The following SEPSECS variants were observed in gnomAD, a reference collection of about 807,000 sequenced individuals.
SEPSECS encodes O-phosphoseryl-tRNA(Sec) selenium transferase.
Under a neutral mutation model 52.1 loss-of-function variants are expected in SEPSECS, and 42 were observed. The observed-to-expected ratio is 0.81, with a 90% confidence interval of 0.63 to 1.04. SEPSECS has a LOEUF of 1.04. Ranked by LOEUF, SEPSECS falls within the 50% of genes least tolerant of loss-of-function variation. The probability of loss-of-function intolerance (pLI) is 0.00; values close to 1 mark genes in which losing one functional copy is unlikely to be tolerated. For synonymous variants in SEPSECS, 216 were observed against 211.4 expected, an observed-to-expected ratio of 1.02 and a Z score of -0.19; for missense variants, 590 against 610.6, an observed-to-expected ratio of 0.97 and a Z score of 0.36.
At position 25,142,190 on chromosome 4, in the gene SEPSECS, T is replaced by A. The variant is rs553664645; in HGVS notation, c.1026+2584A>T. On this transcript the variant is annotated intron_variant, in intron 8 of 10. Transcript: ENST00000382103. ...TACTCAGGAGGCTGAGGCAGGAGAATAACTTGAGCCCGGGAGGCAGAGGTT... is the reference window on the plus strand; with the variant it reads ...TACTCAGGAGGCTGAGGCAGGAGAAAAACTTGAGCCCGGGAGGCAGAGGTT... 3.3e-5 allele frequency among the ~76,000 whole-genome samples: 5 copies of A among 152,056 alleles called. No individual in the cohort carries two copies. The South Asian group carries it at 1.0e-3, about 32-fold the overall frequency.
intron 2 of SEPSECS, among the ~76,000 whole-genome samples, chr4:25,157,206 C>A (rs1416380073): frequency 6.6e-6 from 1 of 152,182 alleles, no homozygotes; most frequent in Non-Finnish European, 1.5e-5. Flanking sequence ...AATTCTTTTT[C>A]TCCCTATGCC....
chr4:25,131,074 GAAT>G (rs1339928486), intron 8 of SEPSECS, among the ~76,000 whole-genome samples: 2 of 152,158 alleles, frequency 1.3e-5, no homozygotes, highest in Non-Finnish European at 2.9e-5. Context: ...TATATTTCTA[GAAT>G]AAAAATACAA....
chr4:25,131,010 A>C (rs1728584643), intron 8 of SEPSECS, among the ~76,000 whole-genome samples: 1 of 152,230 alleles, frequency 6.6e-6, no homozygotes, highest in South Asian at 2.1e-4. Context: ...CTTAATTTTA[A>C]GAGACTTTTC....
At chr4:25,157,041 T>C (rs1712708456) in intron 2 of SEPSECS, 67 bp from the exon 3 acceptor site, 2 of 885,028 alleles carry the variant, frequency 2.3e-6, no homozygotes, top group Non-Finnish European at 3.9e-6. Flanking sequence ...AATGTACAAA[T>C]ATGCAAATGT....
At chr4:25,150,695 C>T (rs1712245253) in intron 6 of SEPSECS, among the ~76,000 whole-genome samples, 1 of 151,922 alleles carries the variant, frequency 6.6e-6, no homozygotes, top group South Asian at 2.1e-4. Context: ...GGTAAAAAAG[C>T]AAAAAGAAGG....
intron 8 of SEPSECS, among the ~76,000 whole-genome samples, chr4:25,144,168 G>A (rs549875619): frequency 1.4e-4 from 21 of 151,620 alleles, no homozygotes; most frequent in Admixed American, 3.9e-4. Context: ...GTGAAACCCC[G>A]TCTCTACTAA....
chr4:25,127,467 G>A lies in SEPSECS; in HGVS notation c.1027-110C>T, dbSNP rs889427639. 6 of 781,068 alleles carry A rather than the reference G, an allele frequency of 7.7e-6. No individual in the cohort carries two copies. In the East Asian group the frequency reaches 1.6e-4, roughly 21 times the overall value. The allele number at this position is 781,068 out of a possible 1,614,324, so 48.4% of individuals were successfully genotyped here. The stretch of plus-strand genomic sequence containing the variant: ...CTACATTTTAAATTAACTCATCCAT[G>A]TGCCTTAAGACCAATTCTCTCCTTT... On this transcript the variant is annotated intron_variant, in intron 8 of 10. Coordinates refer to ENST00000382103, the MANE Select transcript of SEPSECS (RefSeq NM_016955.4).
intron 6 of SEPSECS, among the ~76,000 whole-genome samples, chr4:25,147,353 A>C (rs902409279): frequency 6.6e-5 from 10 of 152,238 alleles, no homozygotes; most frequent in African/African-American, 2.2e-4. Context: ...TGGATTCACT[A>C]TTGCATCTCC....
intron 10 of SEPSECS, chr4:25,125,425 T>C (rs940154485): frequency 1.0e-5 from 4 of 388,242 alleles, no homozygotes; most frequent in East Asian, 8.7e-5. Flanking sequence ...AAGAAAAAAA[T>C]CTATGTAGAG....
rs1436616099 is a variant in SEPSECS at position 25,158,824 on chromosome 4, C to CT, written c.269+128_269+129insA. On this transcript the variant is annotated intron_variant, in intron 2 of 10. Coordinates refer to ENST00000382103, the MANE Select transcript of SEPSECS (RefSeq NM_016955.4). ...TCCCTGTTGCATTTGGCTTACATATCCATTAGAGCAGGGAAGAAGTGGTTT... is the reference window on the plus strand; with the variant it reads ...TCCCTGTTGCATTTGGCTTACATATCTCATTAGAGCAGGGAAGAAGTGGTTT... 2.6e-5 allele frequency: 23 copies of CT among 887,888 alleles called. No individual in the cohort carries two copies. The East Asian group carries it at 5.1e-4, about 20-fold the overall frequency. The allele number at this position is 887,888 out of a possible 1,614,324, so 55.0% of individuals were successfully genotyped here.
intron 2 of SEPSECS, among the ~76,000 whole-genome samples, chr4:25,158,516 A>T (rs557086781): frequency 8.5e-5 from 13 of 152,334 alleles, no homozygotes; most frequent in African/African-American, 3.1e-4. Flanking sequence ...GTATTTATAA[A>T]ATGAGATTCA....
intron 8 of SEPSECS, among the ~76,000 whole-genome samples, chr4:25,141,519 T>C (rs1711547401): frequency 6.6e-6 from 1 of 152,172 alleles, no homozygotes; most frequent in African/African-American, 2.4e-5. Flanking sequence ...ATCCTTCCAA[T>C]TGCTCAGGTC....
intron 5 of SEPSECS, 25 bp downstream of exon 5, chr4:25,154,973 A>C: frequency 6.2e-7 from 1 of 1,610,700 alleles, no homozygotes; most frequent in Non-Finnish European, 8.5e-7. Flanking sequence ...AAACAGCTAA[A>C]GGACAATATT....
rs1353201941 is a variant in SEPSECS at position 25,121,636 on chromosome 4, A to G, written c.*2295T>C. On this transcript the variant is annotated 3_prime_UTR_variant, in exon 11 of 11. Transcript: ENST00000382103. ...AGCCTGAATAGACAGAACTCTTCAA[A>G]AACTCTTGTGAATTCTATGCCCTCA... The G allele has an allele frequency of 6.6e-6, 1 of 152,186 alleles. No homozygotes were observed. Among genetic ancestry groups the G allele is most frequent in the East Asian group, 1.9e-4 (1 of 5,204 alleles). 9.4% of individuals were successfully genotyped at this position (152,186 alleles called of 1,614,324 possible). A position where few individuals can be genotyped will look rare whatever the true frequency, so the allele number is the denominator to read the frequency against.
At chr4:25,133,065 C>T (rs569193248) in intron 8 of SEPSECS, among the ~76,000 whole-genome samples, 2 of 152,204 alleles carry the variant, frequency 1.3e-5, no homozygotes, top group South Asian at 2.1e-4. Context: ...TAGCACAGTT[C>T]CTGGCATACA....
At chr4:25,141,080 TA>T (rs1281902035) in intron 8 of SEPSECS, among the ~76,000 whole-genome samples, 1 of 152,172 alleles carries the variant, frequency 6.6e-6, no homozygotes, top group East Asian at 1.9e-4. Context: ...AGGATGTGCA[TA>T]ATTTATATGA....
chr4:25,158,547 A>G (rs1346517024), intron 2 of SEPSECS, among the ~76,000 whole-genome samples: 2 of 152,206 alleles, frequency 1.3e-5, no homozygotes, highest in African/African-American at 2.4e-5. Context: ...AGTTTAAAAC[A>G]AAATTTAAAG....
intron 8 of SEPSECS, among the ~76,000 whole-genome samples, chr4:25,129,931 C>A (rs1156779145): frequency 6.6e-6 from 1 of 152,108 alleles, no homozygotes; most frequent in East Asian, 1.9e-4. Context: ...ATATTAAATG[C>A]TGATTTTTCT....
At chr4:25,155,977 T>C (rs1712601285) in intron 4 of SEPSECS, 60 bp downstream of exon 4, 1 of 1,469,212 alleles carries the variant, frequency 6.8e-7, no homozygotes, top group East Asian at 2.3e-5. Context: ...TATCTTTATA[T>C]AAGAAATCTG....
Sources: gnomAD v4.1 joint callset for allele counts (sites outside exome capture counted in the v4.1 genomes callset) on GRCh38, gnomAD v4.1.1 for gene constraint, MANE v1.5 for transcripts, NCBI Gene and HGNC (gene_info 2026-07-23, HGNC 2026-07-21) for gene names.